Variants in PTPRD observed in about 807,000 individuals in gnomAD.
PTPRD encodes protein tyrosine phosphatase receptor type D.
Under a neutral mutation model 214.5 loss-of-function variants are expected in PTPRD, and 34 were observed. The ratio of observed to expected loss-of-function variants is 0.16; its 90% CI spans 0.12 to 0.21. The LOEUF (loss-of-function observed/expected upper bound fraction) is 0.21. PTPRD is among the 10% of genes least tolerant of loss of function. The probability of loss-of-function intolerance (pLI) is 1.00; values close to 1 mark genes in which losing one functional copy is unlikely to be tolerated. For synonymous variants in PTPRD, 1,128 were observed against 845.7 expected (o/e 1.33, Z -5.79); for missense variants, 2,545 against 2,398.7 (o/e 1.06, Z -1.27).
chr9:10,195,275 G>A (rs906209222), intron 3 of PTPRD, among the ~76,000 whole-genome samples: 1 of 152,000 alleles, frequency 6.6e-6, no homozygotes, highest in Admixed American at 6.6e-5. Context: ...TCCTCATTTG[G>A]AAAAGGAAGG....
intron 7 of PTPRD, among the ~76,000 whole-genome samples, chr9:9,650,552 A>G (rs1050588219): frequency 1.3e-5 from 2 of 152,114 alleles, no homozygotes; most frequent in South Asian, 4.1e-4. Flanking sequence ...AGGTTTTGGT[A>G]TCAGGATGAT....
chr9:10,293,573 G>C (rs557666910), intron 3 of PTPRD, among the ~76,000 whole-genome samples: 35 of 152,068 alleles, frequency 2.3e-4, no homozygotes, highest in Non-Finnish European at 4.1e-4. Flanking sequence ...TACTCCTTGG[G>C]AGTTTATACA....
intron 10 of PTPRD, among the ~76,000 whole-genome samples, chr9:9,032,431 C>T (rs886442894): frequency 6.6e-6 from 1 of 151,916 alleles, no homozygotes; most frequent in African/African-American, 2.4e-5. Flanking sequence ...AACAGAGAGG[C>T]CTTGTTTTTA....
chr9:9,792,924 GT>G (rs1387285930), intron 5 of PTPRD, among the ~76,000 whole-genome samples: 3 of 152,100 alleles, frequency 2.0e-5, no homozygotes, highest in African/African-American at 7.2e-5. Flanking sequence ...TTAAAATGGA[GT>G]TTTTAAGCTT....
chr9:9,755,788 C>T (rs1032894317), intron 6 of PTPRD, among the ~76,000 whole-genome samples: 9 of 151,992 alleles, frequency 5.9e-5, no homozygotes, highest in African/African-American at 2.2e-4. Context: ...TTCATTTAGA[C>T]TTACTTACTC....
chr9:8,776,818 T>C (rs1006705914), intron 11 of PTPRD, among the ~76,000 whole-genome samples: 1 of 147,464 alleles, frequency 6.8e-6, no homozygotes, highest in Non-Finnish European at 1.5e-5. Context: ...ATGTATAATA[T>C]ATAAATATAT....
chr9:8,688,516 G>C (rs2097734880), intron 12 of PTPRD, among the ~76,000 whole-genome samples: 1 of 147,996 alleles, frequency 6.8e-6, no homozygotes, highest in Non-Finnish European at 1.5e-5. Context: ...AGTGAGCCGA[G>C]ATCGCACCAC....
chr9:8,861,026 G>A (rs1586813921), intron 11 of PTPRD: 2 of 151,858 alleles, frequency 1.3e-5, no homozygotes, highest in South Asian at 2.1e-4. Context: ...CATTTTCTTC[G>A]TTTCCTTCCA....
Position 8,319,959 on chromosome 9 carries a change from C to A in PTPRD, c.5542G>T (p.Val1848Phe). ...GTTATGAAGACTCCAGTTCTTCCAA[C>A]GCCCGCGCTGCCACAATAACAAAGG... ...GPISVHCSAG[V>F]GRTGVFITLS... The change falls in exon 45 of 46, where the codon GTT (valine) becomes TTT (phenylalanine). Residue 1848 changes from valine to phenylalanine, a missense_variant. Val to Phe is a conservative substitution (Grantham distance 50). Coordinates refer to ENST00000381196, the MANE Select transcript of PTPRD (RefSeq NM_002839.4). 6.2e-7 allele frequency: 1 copy of A among 1,611,544 alleles called. No individual in the cohort carries two copies. The highest frequency in any genetic ancestry group is 8.5e-7 in the Non-Finnish European group (1 of 1,178,904).
At chr9:9,732,829 G>C (rs1338314387) in intron 7 of PTPRD, among the ~76,000 whole-genome samples, 1 of 151,828 alleles carries the variant, frequency 6.6e-6, no homozygotes, top group Admixed American at 6.6e-5. Flanking sequence ...TGGCTCTGTC[G>C]TCTCAGCGAT....
intron 11 of PTPRD, among the ~76,000 whole-genome samples, chr9:9,000,357 A>G (rs1014698728): frequency 6.6e-6 from 1 of 152,046 alleles, no homozygotes; most frequent in African/African-American, 2.4e-5. Flanking sequence ...TCAATGTGCA[A>G]TAGGGGAGAA....
chr9:10,097,676 G>A (rs112740414), intron 3 of PTPRD, among the ~76,000 whole-genome samples: 34 of 151,690 alleles, frequency 2.2e-4, no homozygotes, highest in East Asian at 2.0e-3. Flanking sequence ...CAATCATGTC[G>A]TCTGCAAACA....
intron 21 of PTPRD, among the ~76,000 whole-genome samples, chr9:8,513,324 A>T (rs1426595781): frequency 2.0e-5 from 3 of 152,046 alleles, no homozygotes; most frequent in Non-Finnish European, 4.4e-5. Context: ...AAATACACAA[A>T]TTTACATCAA....
intron 11 of PTPRD, among the ~76,000 whole-genome samples, chr9:8,755,092 T>C (rs1426841163): frequency 6.6e-6 from 1 of 152,082 alleles, no homozygotes; most frequent in African/African-American, 2.4e-5. Context: ...TTAAAACTCA[T>C]ATACTGCTGG....
chr9:8,920,916 C>T (rs1048063254), intron 11 of PTPRD, among the ~76,000 whole-genome samples: 1 of 152,102 alleles, frequency 6.6e-6, no homozygotes, highest in Non-Finnish European at 1.5e-5. Context: ...CAGGATCAAG[C>T]GATTCTCCTG....
At chr9:8,695,935 C>T (rs1230014992) in intron 12 of PTPRD, among the ~76,000 whole-genome samples, 1 of 152,132 alleles carries the variant, frequency 6.6e-6, no homozygotes, top group African/African-American at 2.4e-5. Context: ...ACTTTTAACC[C>T]AACCACCTGC....
At chr9:9,531,431 A>G (rs943121725) in intron 8 of PTPRD, among the ~76,000 whole-genome samples, 1 of 152,164 alleles carries the variant, frequency 6.6e-6, no homozygotes, top group Non-Finnish European at 1.5e-5. Flanking sequence ...AATGTGAGAC[A>G]CAAGATACTG....
chr9:10,097,004 T>C (rs540638109), intron 3 of PTPRD, among the ~76,000 whole-genome samples: 29 of 151,982 alleles, frequency 1.9e-4, no homozygotes, highest in Non-Finnish European at 2.7e-4. Context: ...AATCCTTTCC[T>C]CATTGCTTGT....
intron 5 of PTPRD, among the ~76,000 whole-genome samples, chr9:9,919,640 G>T (rs1177589225): frequency 3.9e-5 from 6 of 152,134 alleles, no homozygotes; most frequent in African/African-American, 7.2e-5. Context: ...ACAGACTTTG[G>T]TAAGGCAGAC....
Sources: gnomAD v4.1 joint callset for allele counts (sites outside exome capture counted in the v4.1 genomes callset) on GRCh38, gnomAD v4.1.1 for gene constraint, MANE v1.5 for transcripts, NCBI Gene and HGNC (gene_info 2026-07-23, HGNC 2026-07-21) for gene names.